The following AXIN2 variants were observed in gnomAD, a reference collection of about 807,000 sequenced individuals.
AXIN2 encodes the protein axin-2.
A neutral mutation model predicts 74.7 loss-of-function variants in AXIN2; 21 were observed. That is an observed-to-expected ratio of 0.28 (90% CI 0.20 to 0.40). The LOEUF (loss-of-function observed/expected upper bound fraction) is 0.40. AXIN2 is among the 10% of genes least tolerant of loss of function. The pLI is 1.00. For synonymous variants in AXIN2, 532 were observed against 454.9 expected, an observed-to-expected ratio of 1.17 and a Z score of -2.16; for missense variants, 1,144 against 1,111.1, an observed-to-expected ratio of 1.03 and a Z score of -0.42.
chr17:65,557,756 C>T (rs1567768280), intron 2 of AXIN2, 50 bp downstream of exon 2: 15 of 1,584,542 alleles, frequency 9.5e-6, no homozygotes, highest in Non-Finnish European at 1.2e-5. Flanking sequence ...ATACTTAAAA[C>T]ATCTGCAAAG....
intron 3 of AXIN2, among the ~76,000 whole-genome samples, chr17:65,548,918 TC>T (rs1302473606): frequency 6.6e-6 from 1 of 152,170 alleles, no homozygotes; most frequent in African/African-American, 2.4e-5. Context: ...CTACTTAGGG[TC>T]CTCAGTATCT....
chr17:65,536,170 G>A (rs2043910484), intron 8 of AXIN2, 150 bp downstream of exon 8: 2 of 818,974 alleles, frequency 2.4e-6, no homozygotes, highest in South Asian at 3.1e-5. Flanking sequence ...AAGCTGGAAA[G>A]CAGCAGCTTA....
intron 10 of AXIN2, among the ~76,000 whole-genome samples, chr17:65,531,517 A>G (rs2043817169): frequency 6.6e-6 from 1 of 152,010 alleles, no homozygotes; most frequent in Non-Finnish European, 1.5e-5. Context: ...TTCTCCACAT[A>G]AGAGGCTCAA....
At chr17:65,538,457 T>C in intron 4 of AXIN2, 114 bp from the exon 5 acceptor site, 2 of 1,422,274 alleles carry the variant, frequency 1.4e-6, no homozygotes, top group Non-Finnish European at 1.9e-6. Context: ...TGTTCGGGTG[T>C]AGAGTGGATG....
chr17:65,552,969 G>A (rs2044215443), intron 2 of AXIN2, among the ~76,000 whole-genome samples: 1 of 151,986 alleles, frequency 6.6e-6, no homozygotes, highest in Admixed American at 6.5e-5. Flanking sequence ...CAAAGGTTGT[G>A]GTGAGCAGAG....
intron 10 of AXIN2, among the ~76,000 whole-genome samples, chr17:65,531,726 T>G (rs578092375): frequency 1.3e-5 from 2 of 152,264 alleles, no homozygotes; most frequent in South Asian, 4.1e-4. Context: ...TGCCCTCATT[T>G]TCTCCAAGAA....
At chr17:65,560,972 G>C (rs1458746210) in intron 1 of AXIN2, 1 of 148,826 alleles carries the variant, frequency 6.7e-6, no homozygotes, top group Non-Finnish European at 1.5e-5. Flanking sequence ...TCGTGCGGCG[G>C]GGGAGGGGGT....
At chr17:65,536,729 G>A (rs1199357581) in intron 7 of AXIN2, 140 bp downstream of exon 7, 2 of 1,442,698 alleles carry the variant, frequency 1.4e-6, no homozygotes, top group African/African-American at 1.4e-5. Context: ...GGTCTGCTCA[G>A]TCCAACGTTT....
At chr17:65,544,085 A>C (rs962162369) in intron 3 of AXIN2, among the ~76,000 whole-genome samples, 2 of 152,042 alleles carry the variant, frequency 1.3e-5, no homozygotes, top group Admixed American at 6.6e-5. Flanking sequence ...GGCAGGAGTC[A>C]AGCACTCCAT....
rs150336911 is a variant in AXIN2, at chr17:65,529,829, G to A, written c.*147C>T. On this transcript the variant is annotated 3_prime_UTR_variant, in exon 11 of 11. Coordinates refer to ENST00000307078, the MANE Select transcript of AXIN2 (RefSeq NM_004655.4). Reference sequence around the variant, plus strand: ...AAAATCAACCTCCCCCCGCCCTCCCGAAGGCCCACTGGCCGATTCTTCCTT... The same window carrying A: ...AAAATCAACCTCCCCCCGCCCTCCCAAAGGCCCACTGGCCGATTCTTCCTT... 4.7e-4 allele frequency: 627 copies of A among 1,348,056 alleles called. 3 individuals are homozygous for A. The East Asian group carries it at 0.011, about 24-fold the overall frequency. The allele number at this position is 1,348,056 out of a possible 1,614,324, so 83.5% of individuals were successfully genotyped here. A position where few individuals can be genotyped will look rare whatever the true frequency, so the allele number is the denominator to read the frequency against.
In AXIN2 at chr17:65,537,600, G is replaced by A. The variant is rs137933764; in HGVS notation, c.1436C>T (p.Ser479Phe). Residue 479 changes from serine to phenylalanine, a missense_variant, in exon 6 of 11, where the codon TCC becomes TTC. By Grantham distance (155) the Ser-to-Phe change is radical. Coordinates refer to ENST00000307078, the MANE Select transcript of AXIN2 (RefSeq NM_004655.4). ...HHHHHHSQYH[S>F]LLPPGGKLPP... ...CAGCTTGCCACCGGGCGGGAGCAGG[G>A]AGTGGTACTGCGAATGGTGGTGGTG... The A allele has an allele frequency of 1.2e-6, 2 of 1,603,352 alleles. No individual in the cohort carries two copies. Among genetic ancestry groups the A allele is most frequent in the Non-Finnish European group, 1.7e-6 (2 of 1,176,694 alleles).
intron 2 of AXIN2, among the ~76,000 whole-genome samples, chr17:65,557,194 G>T (rs1035138138): frequency 6.6e-6 from 1 of 152,102 alleles, no homozygotes; most frequent in African/African-American, 2.4e-5. Flanking sequence ...TAAAGGTAAG[G>T]GTCCTTCATT....
intron 2 of AXIN2, among the ~76,000 whole-genome samples, chr17:65,551,669 A>G (rs2044195619): frequency 6.6e-6 from 1 of 152,210 alleles, no homozygotes; most frequent in Admixed American, 6.5e-5. Flanking sequence ...TCTGCCTTTA[A>G]GGAGTTTGCG....
At position 65,536,466 on chromosome 17, in the gene AXIN2, G is replaced by T. The variant is rs1173028261; in HGVS notation, c.1995C>A (p.Gly665=). 1 of 1,613,502 alleles carries T rather than the reference G, an allele frequency of 6.2e-7. No individual in the cohort carries two copies. Among genetic ancestry groups the T allele is most frequent in the Admixed American group, 1.7e-5 (1 of 60,006 alleles). ...ERASRHHLWG[G]NSGHPRTTPR... ...GGGTGGTGCGGGGGTGCCCGCTGTT[G>T]CCCCCCCACAGATGGTGCCGGCTGG... Residue 665 remains glycine (G), a synonymous_variant, in exon 8 of 11, where the codon GGC becomes GGA. Transcript: ENST00000307078.
chr17:65,534,268 G>T (rs1259762362), intron 9 of AXIN2, among the ~76,000 whole-genome samples, 189 bp from the exon 10 acceptor site: 1 of 152,252 alleles, frequency 6.6e-6, no homozygotes, highest in East Asian at 1.9e-4. Context: ...GGGACACACA[G>T]TCCAACCCCA....
At position 65,558,194 on chromosome 17, in the gene AXIN2, T is replaced by C. The variant is rs765348456; in HGVS notation, c.427A>G (p.Ser143Gly). 6.2e-7 allele frequency: 1 copy of C among 1,614,188 alleles called. No individual in the cohort carries two copies. The highest frequency in any genetic ancestry group is 8.5e-7 in the Non-Finnish European group (1 of 1,180,038). The change falls in exon 2 of 11, where the codon AGC becomes GGC. Residue 143 changes from serine to glycine, a missense_variant. By Grantham distance (56) the Ser-to-Gly change is moderately conservative (BLOSUM62 0). Around this residue, in one of 4 missense-constraint regions of AXIN2, gnomAD observed 1,053 missense variants for 973.5 expected, o/e 1.08. Coordinates refer to ENST00000307078, the MANE Select transcript of AXIN2 (RefSeq NM_004655.4). The part of the protein sequence containing the change: ...AIYKRYIENN[S>G]IVSKQLKPAT... ...GGCTTCAGCTGCTTGGAGACAATGCTGTTGTTCTCAATGTACCTTTTGTAG... is the reference window on the plus strand; with the variant it reads ...GGCTTCAGCTGCTTGGAGACAATGCCGTTGTTCTCAATGTACCTTTTGTAG...
intron 5 of AXIN2, 136 bp from the exon 6 acceptor site, chr17:65,537,971 C>G (rs1275613354): frequency 2.2e-6 from 3 of 1,349,510 alleles, no homozygotes; most frequent in African/African-American, 2.9e-5. Flanking sequence ...CATGCGCACA[C>G]GCACAGGCCC....
chr17:65,535,479 A>C, intron 9 of AXIN2, 147 bp downstream of exon 9: 1 of 784,272 alleles, frequency 1.3e-6, no homozygotes, highest in South Asian at 1.5e-5. Context: ...GGCAACATCT[A>C]CGTTTACTGT....
In AXIN2 at chr17:65,537,645, G is replaced by T; in HGVS notation, c.1391C>A (p.Ser464Tyr). The T allele has an allele frequency of 6.3e-7, 1 of 1,578,136 alleles. No homozygotes were observed. Among genetic ancestry groups the T allele is most frequent in the Non-Finnish European group, 8.6e-7 (1 of 1,164,402 alleles). Reference protein sequence around the residue: ...SPGVGRYSPRSRSPDHHHHHH... With the variant: ...SPGVGRYSPRYRSPDHHHHHH... The stretch of plus-strand genomic sequence containing the variant: ...GTGGTGGTGGTGGTCCGGGGAGCGG[G>T]AGCGGGGGCTATAGCGGCCTACGCC... The change falls in exon 6 of 11, where the codon TCC becomes TAC. Residue 464 changes from serine (S) to tyrosine (Y), a missense_variant. Around this residue, in one of 4 missense-constraint regions of AXIN2, gnomAD observed 1,053 missense variants for 973.5 expected, o/e 1.08. Transcript: ENST00000307078.
Sources: gnomAD v4.1 joint callset for allele counts (sites outside exome capture counted in the v4.1 genomes callset) on GRCh38, gnomAD v4.1.1 for gene constraint, gnomAD v4.1.1 regional missense constraint, MANE v1.5 for transcripts, NCBI Gene and HGNC (gene_info 2026-07-23, HGNC 2026-07-21) for gene names.